The following ALK variants were observed in gnomAD, a reference collection of about 807,000 sequenced individuals.
ALK encodes ALK tyrosine kinase receptor.
A neutral mutation model predicts 163.1 loss-of-function variants in ALK; 74 were observed. That is an observed-to-expected ratio of 0.45 (90% confidence interval 0.38 to 0.55). The LOEUF (loss-of-function observed/expected upper bound fraction) is 0.55. ALK is among the 20% of genes least tolerant of loss of function. The probability of loss-of-function intolerance (pLI) is 0.00; values close to 1 mark genes in which losing one functional copy is unlikely to be tolerated. For missense variants in ALK, 2,063 were observed against 2,105.3 expected (o/e 0.98, Z 0.39); for synonymous variants, 960 against 843.2 (o/e 1.14, Z -2.40).
intron 1 of ALK, among the ~76,000 whole-genome samples, chr2:29,812,582 G>A (rs939876366): frequency 6.6e-6 from 1 of 151,982 alleles, no homozygotes; most frequent in African/African-American, 2.4e-5. Flanking sequence ...TAAATGATGG[G>A]GTTTCAGATT....
rs995433670 is a variant in ALK at position 29,320,774 on chromosome 2, T to A, written c.1523A>T (p.Asp508Val). Residue 508 changes from aspartate (D) to valine (V), a missense_variant, in exon 7 of 29, where the codon GAT (aspartate) becomes GTT (valine). Asp to Val is a radical substitution (Grantham distance 152, BLOSUM62 -3). Around this residue, in one of 5 missense-constraint regions of ALK, gnomAD observed 987 missense variants for 939.5 expected, o/e 1.05. Coordinates refer to ENST00000389048, the MANE Select transcript of ALK (RefSeq NM_004304.5). Reference protein sequence around the residue: ...TPQWQVRTLKDARFQDHQDHA... With the variant: ...TPQWQVRTLKVARFQDHQDHA... ...ACCTTGGTGGTCCTGGAACCGGGCATCCTTTAGGGTCCTGACCTGCCATTG... is the reference window on the plus strand; with the variant it reads ...ACCTTGGTGGTCCTGGAACCGGGCAACCTTTAGGGTCCTGACCTGCCATTG... 3 of 1,613,808 alleles carry A rather than the reference T, an allele frequency of 1.9e-6. No homozygotes were observed. In the African/African-American group the frequency reaches 4.0e-5, roughly 22 times the overall value.
intron 2 of ALK, among the ~76,000 whole-genome samples, chr2:29,710,016 G>A (rs894275507): frequency 2.0e-5 from 3 of 152,056 alleles, no homozygotes; most frequent in East Asian, 1.9e-4. Context: ...TAATTCCCAC[G>A]TACCATGGGA....
At chr2:29,738,365 T>C (rs778771820) in intron 1 of ALK, among the ~76,000 whole-genome samples, 3 of 152,114 alleles carry the variant, frequency 2.0e-5, no homozygotes, top group Admixed American at 6.5e-5. Context: ...TCATGTTGTA[T>C]GTATCATTAC....
chr2:29,347,188 AC>A (rs1667974133), intron 5 of ALK, among the ~76,000 whole-genome samples: 1 of 152,210 alleles, frequency 6.6e-6, no homozygotes, highest in Admixed American at 6.5e-5. Flanking sequence ...GTAGAGAGGA[AC>A]TAGAACCGTG....
intron 26 of ALK, 82 bp downstream of exon 26, chr2:29,207,089 C>T (rs1669330397): frequency 9.1e-7 from 1 of 1,099,232 alleles, no homozygotes; most frequent in African/African-American, 1.5e-5. Context: ...ACACGGGCTC[C>T]CGGCTTAGAG....
intron 9 of ALK, among the ~76,000 whole-genome samples, chr2:29,288,819 G>A (rs1665930126): frequency 6.6e-6 from 1 of 151,824 alleles, no homozygotes; most frequent in African/African-American, 2.4e-5. Context: ...AGGCGTGGTG[G>A]TGGATGCCTG....
At chr2:29,516,125 A>T (rs2148145051) in intron 4 of ALK, among the ~76,000 whole-genome samples, 1 of 152,318 alleles carries the variant, frequency 6.6e-6, no homozygotes, top group South Asian at 2.1e-4. Flanking sequence ...AGTCACCCTC[A>T]TCTTGCCTCA....
At chr2:29,386,433 A>G (rs1490201356) in intron 4 of ALK, among the ~76,000 whole-genome samples, 1 of 152,242 alleles carries the variant, frequency 6.6e-6, no homozygotes, top group East Asian at 1.9e-4. Context: ...CATGTAAACA[A>G]GTGGTTCTTA....
Position 29,739,419 on chromosome 2 carries a change from G to A in ALK, c.668-21722C>T, listed in dbSNP as rs149247401. The stretch of plus-strand genomic sequence containing the variant: ...CTAAAAATACAAAAATTAGCTGAGC[G>A]TGGTGGTATGTGCCTGTAGTCTCAG... On this transcript the variant is annotated intron_variant, in intron 1 of 28. Coordinates refer to ENST00000389048, the MANE Select transcript of ALK (RefSeq NM_004304.5). 5.8e-3 allele frequency among the ~76,000 whole-genome samples: 876 copies of A among 151,726 alleles called. 15 individuals carry two copies. The highest frequency in any genetic ancestry group is 0.019 in the African/African-American group (774 of 41,220).
chr2:29,410,506 AC>A (rs1669701394), intron 4 of ALK, among the ~76,000 whole-genome samples: 1 of 152,156 alleles, frequency 6.6e-6, no homozygotes, highest in Non-Finnish European at 1.5e-5. Context: ...TGTCATCAGG[AC>A]TTCCTGAGGC....
chr2:29,589,448 G>A (rs951409737), intron 3 of ALK, among the ~76,000 whole-genome samples: 5 of 152,158 alleles, frequency 3.3e-5, no homozygotes, highest in Non-Finnish European at 7.3e-5. Flanking sequence ...AAAGTGTGGT[G>A]GTCCTGAGTT....
intron 1 of ALK, among the ~76,000 whole-genome samples, chr2:29,860,806 A>T (rs577839433): frequency 1.3e-5 from 2 of 152,342 alleles, no homozygotes; most frequent in East Asian, 3.9e-4. Flanking sequence ...AGGGAAATTT[A>T]AAAATATCTT....
At chr2:29,630,967 G>A (rs1342402310) in intron 3 of ALK, among the ~76,000 whole-genome samples, 1 of 152,184 alleles carries the variant, frequency 6.6e-6, no homozygotes, top group South Asian at 2.1e-4. Context: ...TTCAAGAAAG[G>A]TAGCAATTTA....
intron 4 of ALK, among the ~76,000 whole-genome samples, chr2:29,403,443 A>C (rs370580878): frequency 1.4e-4 from 22 of 152,224 alleles, no homozygotes; most frequent in African/African-American, 5.1e-4. Context: ...GACGCTCCTG[A>C]AGAGGGTCTT....
In ALK at chr2:29,627,243, T is replaced by C. The variant is rs543395654; in HGVS notation, c.952+67607A>G. 7.2e-5 allele frequency among the ~76,000 whole-genome samples: 11 copies of C among 152,142 alleles called. No homozygotes were observed. In the South Asian group the frequency reaches 2.1e-3, roughly 29 times the overall value. On this transcript the variant is annotated intron_variant, in intron 3 of 28. Transcript: ENST00000389048. ...TCTCTTGTCCAATTAAAACAGAAAA[T>C]TCTCTTCTGTTCTCCAGCCCCAGCT...
chr2:29,566,932 A>G (rs1259764400), intron 3 of ALK, among the ~76,000 whole-genome samples: 1 of 152,228 alleles, frequency 6.6e-6, no homozygotes, highest in Non-Finnish European at 1.5e-5. Context: ...AAAAAAACTG[A>G]AAGAATAAGC....
intron 3 of ALK, among the ~76,000 whole-genome samples, chr2:29,548,802 C>T (rs1194568426): frequency 6.6e-6 from 1 of 152,120 alleles, no homozygotes; most frequent in Non-Finnish European, 1.5e-5. Flanking sequence ...TTATCTAAAG[C>T]AGTGTCATAT....
chr2:29,805,791 G>T (rs184014732), intron 1 of ALK, among the ~76,000 whole-genome samples: 1 of 152,110 alleles, frequency 6.6e-6, no homozygotes, highest in African/African-American at 2.4e-5. Context: ...GTGAATAATG[G>T]GGAGCACTTT....
At chr2:29,762,359 A>G (rs1395980273) in intron 1 of ALK, among the ~76,000 whole-genome samples, 2 of 152,222 alleles carry the variant, frequency 1.3e-5, no homozygotes, top group South Asian at 2.1e-4. Flanking sequence ...TTGACAGTCA[A>G]TTATCTCATG....
Sources: gnomAD v4.1 joint callset for allele counts (sites outside exome capture counted in the v4.1 genomes callset) on GRCh38, gnomAD v4.1.1 for gene constraint, gnomAD v4.1.1 regional missense constraint, MANE v1.5 for transcripts, NCBI Gene and HGNC (gene_info 2026-07-23, HGNC 2026-07-21) for gene names.